The following NTRK3 variants were observed in gnomAD, a reference collection of about 807,000 sequenced individuals.
NTRK3 encodes neurotrophic receptor tyrosine kinase 3, also known as NT-3 growth factor receptor.
Under a neutral mutation model 91.7 loss-of-function variants are expected in NTRK3, and 24 were observed. The ratio of observed to expected loss-of-function variants is 0.26; its 90% confidence interval spans 0.19 to 0.37. NTRK3 has a LOEUF of 0.37. NTRK3 is among the 10% of genes least tolerant of loss of function. The pLI, the probability that NTRK3 is intolerant of heterozygous loss-of-function variation, is 1.00. For synonymous variants in NTRK3, 483 were observed against 404.0 expected, an observed-to-expected ratio of 1.20 and a Z score of -2.34; for missense variants, 880 against 1,068.9, an observed-to-expected ratio of 0.82 and a Z score of 2.46.
chr15:87,935,566 CAGAAGA>C (rs951091341), intron 15 of NTRK3, among the ~76,000 whole-genome samples: 1 of 151,882 alleles, frequency 6.6e-6, no homozygotes, highest in Non-Finnish European at 1.5e-5. Flanking sequence ...TATTTTCATG[CAGAAGA>C]AGAAGAAGAA....
At chr15:87,895,826 T>A (rs563071254) in intron 17 of NTRK3, among the ~76,000 whole-genome samples, 1 of 151,616 alleles carries the variant, frequency 6.6e-6, no homozygotes, top group African/African-American at 2.4e-5. Flanking sequence ...TTATTTATTT[T>A]TATTATACTT....
chr15:87,981,296 G>A (rs373140099), intron 14 of NTRK3: 2 of 1,592,160 alleles, frequency 1.3e-6, no homozygotes, highest in African/African-American at 2.7e-5. Context: ...GAGTTGATGG[G>A]ACTAGATGAT....
At chr15:87,913,019 G>GATGGC (rs1231161794) in intron 17 of NTRK3, among the ~76,000 whole-genome samples, 4 of 140,638 alleles carry the variant, frequency 2.8e-5, no homozygotes, top group Non-Finnish European at 6.1e-5. Flanking sequence ...GCTCAGAGAT[G>GATGGC]ATGGCATAGA....
chr15:87,946,066 T>C (rs2070463971), intron 14 of NTRK3: 1 of 152,238 alleles, frequency 6.6e-6, no homozygotes, highest in Non-Finnish European at 1.5e-5. Context: ...GCTCAATACC[T>C]ATCTTGCAAA....
intron 14 of NTRK3, among the ~76,000 whole-genome samples, chr15:87,987,903 TATAAG>T (rs2074964749): frequency 6.6e-6 from 1 of 151,506 alleles, no homozygotes; most frequent in African/African-American, 2.4e-5. Flanking sequence ...TAATAATAAA[TATAAG>T]ATAAAAGTAC....
chr15:88,235,834 C>A lies in NTRK3; in HGVS notation c.248+20072G>T, dbSNP rs901964559. Among the ~76,000 whole-genome samples the A allele has an allele frequency of 9.9e-5, 15 of 152,234 alleles. No individual in the cohort carries two copies. Among genetic ancestry groups the A allele is most frequent in the African/African-American group, 3.6e-4 (15 of 41,460 alleles). ...AACCCCCCTGGGGCTTTGAGTCAAA[C>A]AGGATCCCAGCTCTGCCACCTACCA... On this transcript the variant is annotated intron_variant, in intron 3 of 18. Coordinates refer to ENST00000394480, the Ensembl canonical transcript of NTRK3. The surrounding 1 kb of genome is among the most constrained non-coding windows in gnomAD (Gnocchi z 5.2).
intron 13 of NTRK3, chr15:88,072,975 A>G: frequency 4.8e-6 from 1 of 210,122 alleles, no homozygotes; most frequent in Non-Finnish European, 9.7e-6. Context: ...CCTCACAACA[A>G]TCTTAGAAGC....
At chr15:88,220,032 A>T (rs1430861071) in intron 3 of NTRK3, among the ~76,000 whole-genome samples, 1 of 152,362 alleles carries the variant, frequency 6.6e-6, no homozygotes, top group Middle Eastern at 3.4e-3. Flanking sequence ...TCAAATGCCC[A>T]GAGAAAATCC....
At chr15:88,022,739 C>T (rs1256408246) in intron 14 of NTRK3, among the ~76,000 whole-genome samples, 2 of 152,140 alleles carry the variant, frequency 1.3e-5, no homozygotes, top group Non-Finnish European at 2.9e-5. Flanking sequence ...TCTCATCATT[C>T]TTCCCCTCCT....
At chr15:87,881,976 AC>A (rs1310656924) in intron 17 of NTRK3, among the ~76,000 whole-genome samples, 2 of 151,986 alleles carry the variant, frequency 1.3e-5, no homozygotes, top group East Asian at 3.9e-4. Flanking sequence ...GCTCACTGCA[AC>A]CTCCGCTTCC....
intron 5 of NTRK3, among the ~76,000 whole-genome samples, chr15:88,175,602 T>C (rs1021587804): frequency 3.3e-5 from 5 of 152,248 alleles, no homozygotes; most frequent in Admixed American, 1.3e-4. Context: ...ATATTGATCA[T>C]CTGCTATATG....
chr15:87,975,157 C>G (rs2073615429), intron 14 of NTRK3, among the ~76,000 whole-genome samples: 1 of 152,158 alleles, frequency 6.6e-6, no homozygotes, highest in Admixed American at 6.5e-5. Context: ...CCACAGTAAA[C>G]CCATTCTTGG....
chr15:88,022,284 T>C (rs2077653564), intron 14 of NTRK3, among the ~76,000 whole-genome samples: 1 of 152,076 alleles, frequency 6.6e-6, no homozygotes, highest in Admixed American at 6.5e-5. Context: ...TATCTGTACA[T>C]CCAAGTTCAA....
intron 3 of NTRK3, among the ~76,000 whole-genome samples, chr15:88,189,236 G>A (rs1224509860): frequency 2.6e-5 from 4 of 152,094 alleles, no homozygotes; most frequent in Non-Finnish European, 2.9e-5. Flanking sequence ...TAAAAAATCA[G>A]TCTGAAACAT....
intron 3 of NTRK3, among the ~76,000 whole-genome samples, chr15:88,247,523 A>G: frequency 6.6e-6 from 1 of 152,218 alleles, no homozygotes; most frequent in South Asian, 2.1e-4. Flanking sequence ...CCAGTAGTCT[A>G]GAAAAGGAAA....
chr15:87,873,970 A>G, exon 19 of NTRK3: 1 of 229,444 alleles, frequency 4.4e-6, no homozygotes, highest in Non-Finnish European at 8.6e-6. Flanking sequence ...GAAAAATGGC[A>G]CAGTGACACA....
intron 14 of NTRK3, among the ~76,000 whole-genome samples, chr15:87,991,183 G>A (rs561023222): frequency 2.0e-5 from 3 of 151,948 alleles, no homozygotes; most frequent in Admixed American, 6.6e-5. Context: ...TCTTTCTGTT[G>A]GCTTCTCTTC....
At chr15:88,172,487 G>A (rs754468079) in intron 5 of NTRK3, among the ~76,000 whole-genome samples, 2 of 152,190 alleles carry the variant, frequency 1.3e-5, no homozygotes, top group Non-Finnish European at 2.9e-5. Context: ...GAGATGCACA[G>A]CCCAGAGGCC....
chr15:87,872,791 T>C, exon 19 of NTRK3: 1 of 232,904 alleles, frequency 4.3e-6, no homozygotes, highest in Non-Finnish European at 8.5e-6. Flanking sequence ...TATCTTTCAC[T>C]TCATCTCTTA....
Sources: gnomAD v4.1 joint callset for allele counts (sites outside exome capture counted in the v4.1 genomes callset) on GRCh38, gnomAD v4.1.1 for gene constraint, Gnocchi (gnomAD v3.1) non-coding constraint, MANE v1.5 for transcripts, NCBI Gene and HGNC (gene_info 2026-07-23, HGNC 2026-07-21) for gene names.